Variants in UBXN7 observed in about 807,000 individuals in gnomAD.
UBXN7 encodes the protein UBX domain-containing protein 7.
Under a neutral mutation model 58.0 loss-of-function variants are expected in UBXN7, and 9 were observed. That is an observed-to-expected ratio of 0.16 (90% CI 0.09 to 0.27). The LOEUF (loss-of-function observed/expected upper bound fraction) is 0.27, where lower values mean the gene tolerates loss of function less well. Ranked by LOEUF, UBXN7 falls within the 10% of genes least tolerant of loss-of-function variation. The pLI is 1.00. For synonymous variants in UBXN7, 208 were observed against 205.0 expected, an observed-to-expected ratio of 1.01 and a Z score of -0.12; for missense variants, 328 against 599.6, an observed-to-expected ratio of 0.55 and a Z score of 4.73.
rs571610225 is a variant in UBXN7 at position 196,385,392 on chromosome 3, T to G, written c.468+6421A>C. Among the ~76,000 whole-genome samples the G allele has an allele frequency of 1.8e-4, 28 of 152,252 alleles. No individual in the cohort carries two copies. The East Asian group carries it at 5.2e-3, about 28-fold the overall frequency. ...AGCCGCCTGCCTTGGCCTCCCAAAG[T>G]GCCGAGATTGCAGCCTCTGCCCGGC... On this transcript the variant is annotated intron_variant, in intron 5 of 10. Transcript: ENST00000296328.
intron 1 of UBXN7, among the ~76,000 whole-genome samples, chr3:196,417,130 G>A (rs879113167): frequency 3.1e-4 from 47 of 152,220 alleles, no homozygotes; most frequent in South Asian, 1.0e-3. Context: ...TGGCTAACAC[G>A]GTGAAACCCC....
intron 1 of UBXN7, among the ~76,000 whole-genome samples, chr3:196,411,347 A>G (rs1298086583): frequency 6.6e-6 from 1 of 152,192 alleles, no homozygotes. Context: ...AGTCAAAACC[A>G]CTGGCAACCC....
chr3:196,387,870 T>C (rs1729458222), intron 5 of UBXN7, among the ~76,000 whole-genome samples: 1 of 152,182 alleles, frequency 6.6e-6, no homozygotes, highest in Non-Finnish European at 1.5e-5. Flanking sequence ...TCAACCATTG[T>C]GGAAGACAGT....
At chr3:196,426,704 C>T (rs1342518231) in intron 1 of UBXN7, among the ~76,000 whole-genome samples, 4 of 151,542 alleles carry the variant, frequency 2.6e-5, no homozygotes, top group Non-Finnish European at 4.4e-5. Context: ...CAAAATGAGC[C>T]GGGCGTGGTG....
chr3:196,366,939 T>C (rs948555917), intron 8 of UBXN7, among the ~76,000 whole-genome samples: 2 of 151,936 alleles, frequency 1.3e-5, no homozygotes, highest in Non-Finnish European at 2.9e-5. Flanking sequence ...TCCCAGCACT[T>C]TGGGAGGCCG....
rs1039832365 is a variant in UBXN7, at chr3:196,349,605, C to G, written c.*7080G>C. ...ATCAAACTGAAATGGACCCTCGTGA[C>G]GGGCACTATGGAACCAGCTACCTAG... On this transcript the variant is annotated 3_prime_UTR_variant, in exon 11 of 11. Coordinates refer to ENST00000296328, the MANE Select transcript of UBXN7 (RefSeq NM_015562.2). 46 of 151,996 alleles carry G rather than the reference C, an allele frequency of 3.0e-4. No homozygotes were observed. Among genetic ancestry groups the G allele is most frequent in the African/African-American group, 1.1e-3 (44 of 41,366 alleles). The allele number at this position is 151,996 out of a possible 1,614,324, so 9.4% of individuals were successfully genotyped here.
rs36110858 is a variant in UBXN7, at chr3:196,424,703, C to CT, written c.73+7623dup. Among the ~76,000 whole-genome samples the CT allele has an allele frequency of 8.9e-3, 941 of 105,228 alleles. 15 individuals are homozygous for CT. The highest frequency in any genetic ancestry group is 0.027 in the African/African-American group (760 of 27,704). The allele number at this position is 105,228 out of a possible 152,430, so 69.0% of individuals were successfully genotyped here. On this transcript the variant is annotated intron_variant, in intron 1 of 10. Coordinates refer to ENST00000296328, the MANE Select transcript of UBXN7 (RefSeq NM_015562.2). ...GCCTCGCCTCATCCATTTTTATAAC[C>CT]TTTTTTTTTTTTTTTTTTTGAGACA...
rs145919969 is a variant in UBXN7 at position 196,418,850 on chromosome 3, C to T, written c.74-11457G>A. 3.4e-3 allele frequency among the ~76,000 whole-genome samples: 511 copies of T among 152,286 alleles called. 4 individuals carry two copies. The highest frequency in any genetic ancestry group is 3.4e-3 in the Non-Finnish European group (230 of 68,012). On this transcript the variant is annotated intron_variant, in intron 1 of 10. Transcript: ENST00000296328. ...GGCACATGATGTCAACACTCAGGGT[C>T]CAGAGTTAGAGGATAGGGAAAGACT...
In UBXN7 at chr3:196,350,988, C is replaced by T. The variant is rs573900342; in HGVS notation, c.*5697G>A. The T allele has an allele frequency of 6.6e-6, 1 of 152,238 alleles. No homozygotes were observed. The highest frequency in any genetic ancestry group is 1.5e-5 in the Non-Finnish European group (1 of 68,054). 9.4% of individuals were successfully genotyped at this position (152,238 alleles called of 1,614,324 possible). ...CTGCCATGTTCACCAGAAGAGCTGTCTCTTCCTATGCTCATTACATTTTAG... is the reference window on the plus strand; with the variant it reads ...CTGCCATGTTCACCAGAAGAGCTGTTTCTTCCTATGCTCATTACATTTTAG... On this transcript the variant is annotated 3_prime_UTR_variant, in exon 11 of 11. Coordinates refer to ENST00000296328, the MANE Select transcript of UBXN7 (RefSeq NM_015562.2).
chr3:196,365,428 G>C (rs1327284455), intron 8 of UBXN7, among the ~76,000 whole-genome samples: 1 of 152,046 alleles, frequency 6.6e-6, no homozygotes, highest in Non-Finnish European at 1.5e-5. Flanking sequence ...AAGAGACAGA[G>C]TCTTACTGTT....
chr3:196,362,201 C>A, intron 9 of UBXN7, 93 bp downstream of exon 9: 1 of 1,460,576 alleles, frequency 6.8e-7, no homozygotes, highest in Non-Finnish European at 9.2e-7. Context: ...GCCATGTTGG[C>A]GAGGCTGGTC....
chr3:196,404,511 C>T (rs1730099000), intron 2 of UBXN7, among the ~76,000 whole-genome samples: 1 of 152,142 alleles, frequency 6.6e-6, no homozygotes, highest in African/African-American at 2.4e-5. Context: ...ATCCGCCCAC[C>T]TCGGCCTCCC....
intron 1 of UBXN7, chr3:196,431,897 G>A: frequency 5.6e-6 from 2 of 357,378 alleles, no homozygotes; most frequent in South Asian, 2.1e-5. Flanking sequence ...GACCTGGCCG[G>A]GGAAGAAAGG....
chr3:196,425,011 T>C (rs1180288818), intron 1 of UBXN7, among the ~76,000 whole-genome samples: 2 of 152,122 alleles, frequency 1.3e-5, no homozygotes, highest in Admixed American at 6.6e-5. Context: ...CCCATTTTTA[T>C]AACTTTAACT....
intron 5 of UBXN7, among the ~76,000 whole-genome samples, chr3:196,390,753 A>C (rs1729557819): frequency 1.3e-5 from 2 of 151,968 alleles, no homozygotes; most frequent in South Asian, 4.1e-4. Context: ...AAAAGACTCA[A>C]CTGAAATGTA....
intron 1 of UBXN7, among the ~76,000 whole-genome samples, chr3:196,428,861 T>A (rs1730929900): frequency 6.6e-6 from 1 of 151,796 alleles, no homozygotes; most frequent in Non-Finnish European, 1.5e-5. Context: ...ATTGTCTTTT[T>A]AATAATCTTT....
intron 1 of UBXN7, among the ~76,000 whole-genome samples, chr3:196,421,979 A>G (rs1260552858): frequency 6.6e-6 from 1 of 152,166 alleles, no homozygotes; most frequent in Non-Finnish European, 1.5e-5. Flanking sequence ...CGGGCAGATC[A>G]CTTGAGGCCA....
chr3:196,362,168 A>G, intron 9 of UBXN7, 126 bp downstream of exon 9: 1 of 1,321,602 alleles, frequency 7.6e-7, no homozygotes, highest in Non-Finnish European at 1.0e-6. Flanking sequence ...TAAGTTTTGT[A>G]TTTTTAGTAG....
At chr3:196,384,568 C>T (rs1295249835) in intron 5 of UBXN7, among the ~76,000 whole-genome samples, 7 of 151,932 alleles carry the variant, frequency 4.6e-5, no homozygotes, top group South Asian at 2.1e-4. Flanking sequence ...ACTGGCAAAC[C>T]GAATCCAGCA....
Sources: gnomAD v4.1 joint callset for allele counts (sites outside exome capture counted in the v4.1 genomes callset) on GRCh38, gnomAD v4.1.1 for gene constraint, MANE v1.5 for transcripts, NCBI Gene and HGNC (gene_info 2026-07-23, HGNC 2026-07-21) for gene names.